FGF14: variants seen among roughly 807,000 people sequenced by gnomAD.
FGF14 encodes the protein fibroblast growth factor homologous factor 4.
A neutral mutation model predicts 25.5 loss-of-function variants in FGF14; 5 were observed. That is an observed-to-expected ratio of 0.20 (90% CI 0.10 to 0.41). The LOEUF (loss-of-function observed/expected upper bound fraction) is 0.41. Ranked by LOEUF, FGF14 falls within the 10% of genes least tolerant of loss-of-function variation. The pLI is 1.00. For synonymous variants in FGF14, 138 were observed against 118.3 expected (o/e 1.17, Z -1.08); for missense variants, 222 against 320.1 (o/e 0.69, Z 2.34).
At chr13:101,796,972 T>C (rs2140116580) in intron 3 of FGF14, among the ~76,000 whole-genome samples, 1 of 152,164 alleles carries the variant, frequency 6.6e-6, no homozygotes, top group African/African-American at 2.4e-5. Flanking sequence ...ACGGGATAAC[T>C]ATCTTCTCTG....
At chr13:101,962,119 G>T (rs1012187459) in intron 1 of FGF14, among the ~76,000 whole-genome samples, 3 of 152,082 alleles carry the variant, frequency 2.0e-5, no homozygotes, top group Non-Finnish European at 4.4e-5. Context: ...GTAGTTTAAT[G>T]GGTATAGCAT....
intron 1 of FGF14, among the ~76,000 whole-genome samples, chr13:101,926,745 A>C (rs1175277027): frequency 6.6e-6 from 1 of 152,242 alleles, no homozygotes; most frequent in Non-Finnish European, 1.5e-5. Context: ...AAGGAAATAC[A>C]TTCTGCAAGT....
rs899554106 is a variant in FGF14 at position 101,720,308 on chromosome 13, T to TAAAC, written c.*2519_*2522dup. 2.0e-5 allele frequency: 3 copies of TAAAC among 152,084 alleles called. No individual in the cohort carries two copies. The highest frequency in any genetic ancestry group is 1.9e-4 in the East Asian group (1 of 5,184). The allele number at this position is 152,084 out of a possible 1,614,324, so 9.4% of individuals were successfully genotyped here. ...AACAAGGACCCCTCTGCAATATGTCTAAACATATATTAGAAGAAAGTATTT... is the reference window on the plus strand; with the variant it reads ...AACAAGGACCCCTCTGCAATATGTCTAAACAAACATATATTAGAAGAAAGTATTT... On this transcript the variant is annotated 3_prime_UTR_variant, in exon 5 of 5. Coordinates refer to ENST00000376143, the MANE Select transcript of FGF14 (RefSeq NM_004115.4).
chr13:101,830,174 G>A (rs1002402433), intron 3 of FGF14, among the ~76,000 whole-genome samples: 3 of 152,112 alleles, frequency 2.0e-5, no homozygotes, highest in Non-Finnish European at 4.4e-5. Flanking sequence ...ACCTGGGAAA[G>A]CATACTTGTA....
rs148922398 is a variant in FGF14, at chr13:101,927,977, C to T, written c.209-52681G>A. Among the ~76,000 whole-genome samples, 642 of 152,268 alleles carry T rather than the reference C, an allele frequency of 4.2e-3. 2 individuals are homozygous for T. The highest frequency in any genetic ancestry group is 0.014 in the African/African-American group (589 of 41,564). ...GGTAAGACACATATGCCCTCCGTCCCGTTTCCCTCTTTCATCCCCGGTGAC... is the reference window on the plus strand; with the variant it reads ...GGTAAGACACATATGCCCTCCGTCCTGTTTCCCTCTTTCATCCCCGGTGAC... On this transcript the variant is annotated intron_variant, in intron 1 of 4. Transcript: ENST00000376131.
intron 1 of FGF14, among the ~76,000 whole-genome samples, chr13:102,013,220 G>A (rs1419193639): frequency 6.6e-6 from 1 of 151,956 alleles, no homozygotes; most frequent in Non-Finnish European, 1.5e-5. Context: ...GGAAAGAGAA[G>A]AGCAAAGAAA....
intron 1 of FGF14, among the ~76,000 whole-genome samples, chr13:102,172,681 G>A (rs955818218): frequency 2.0e-5 from 3 of 152,074 alleles, no homozygotes; most frequent in South Asian, 2.1e-4. Context: ...TTCATACCTC[G>A]TTCAAATGTT....
chr13:102,156,355 C>T (rs1319717820), intron 1 of FGF14, among the ~76,000 whole-genome samples: 4 of 152,158 alleles, frequency 2.6e-5, no homozygotes, highest in African/African-American at 4.8e-5. Flanking sequence ...GCTGGTTCAA[C>T]ACACAAAAAT....
chr13:102,164,885 C>T (rs935556640), intron 1 of FGF14, among the ~76,000 whole-genome samples: 3 of 152,068 alleles, frequency 2.0e-5, no homozygotes, highest in Admixed American at 6.6e-5. Flanking sequence ...TTTTCTTTTA[C>T]TTAAAAGTTC....
intron 1 of FGF14, among the ~76,000 whole-genome samples, chr13:101,931,262 A>G (rs2034732243): frequency 1.3e-5 from 2 of 151,686 alleles, no homozygotes; most frequent in South Asian, 4.2e-4. Context: ...CATCCTCTTC[A>G]TTCTCCCTGG....
chr13:101,844,406 G>A (rs2043344241), intron 3 of FGF14, among the ~76,000 whole-genome samples: 1 of 152,034 alleles, frequency 6.6e-6, no homozygotes, highest in Non-Finnish European at 1.5e-5. Flanking sequence ...AAATCTTTCA[G>A]CTTTGAAGCC....
At chr13:101,762,644 C>T (rs1311928317) in intron 3 of FGF14, among the ~76,000 whole-genome samples, 1 of 152,204 alleles carries the variant, frequency 6.6e-6, no homozygotes, top group Non-Finnish European at 1.5e-5. Context: ...GGCCCATCGG[C>T]ATTGCTGCAA....
intron 1 of FGF14, among the ~76,000 whole-genome samples, chr13:102,311,391 T>C (rs914155844): frequency 1.4e-4 from 21 of 152,074 alleles, no homozygotes; most frequent in African/African-American, 4.8e-4. Context: ...TAAAACTAAG[T>C]TTTGTCAATG....
chr13:101,815,022 A>C (rs1321969252), intron 3 of FGF14, among the ~76,000 whole-genome samples: 1 of 152,244 alleles, frequency 6.6e-6, no homozygotes, highest in African/African-American at 2.4e-5. Flanking sequence ...GTGTACCAAC[A>C]AGGTGGGTAT....
At chr13:101,867,889 GACACACACACACACAC>G (rs370683665) in intron 3 of FGF14, among the ~76,000 whole-genome samples, 33 of 140,680 alleles carry the variant, frequency 2.3e-4, no homozygotes, top group South Asian at 7.3e-4. Context: ...TTCTGTTTAA[GACACACACACACACAC>G]ACACACACAC....
chr13:101,975,744 G>T (rs550647321), intron 1 of FGF14, among the ~76,000 whole-genome samples: 1 of 152,146 alleles, frequency 6.6e-6, no homozygotes, highest in Non-Finnish European at 1.5e-5. Flanking sequence ...ATTCAGAGAG[G>T]GAACTTACTA....
intron 1 of FGF14, among the ~76,000 whole-genome samples, chr13:102,073,859 C>T (rs1220187442): frequency 6.6e-6 from 1 of 152,142 alleles, no homozygotes; most frequent in African/African-American, 2.4e-5. Context: ...GGGGGATTCC[C>T]TGGAGCTAAG....
chr13:102,228,695 G>T (rs2050939364), intron 1 of FGF14, among the ~76,000 whole-genome samples: 1 of 152,158 alleles, frequency 6.6e-6, no homozygotes, highest in African/African-American at 2.4e-5. Context: ...TAAGAAAGCA[G>T]AGGCTTAGGG....
At chr13:102,339,259 AAGAT>A (rs1290491097) in intron 1 of FGF14, among the ~76,000 whole-genome samples, 1 of 152,004 alleles carries the variant, frequency 6.6e-6, no homozygotes, top group Non-Finnish European at 1.5e-5. Context: ...AAAATTAAAA[AAGAT>A]AGATTCAAGG....
Sources: gnomAD v4.1 joint callset for allele counts (sites outside exome capture counted in the v4.1 genomes callset) on GRCh38, gnomAD v4.1.1 for gene constraint, MANE v1.5 for transcripts, NCBI Gene and HGNC (gene_info 2026-07-23, HGNC 2026-07-21) for gene names.